YTHDF2: variants seen among roughly 807,000 people sequenced by gnomAD.
The protein encoded by YTHDF2 is YTH N6-methyladenosine RNA binding protein F2.
A neutral mutation model predicts 50.4 loss-of-function variants in YTHDF2; 2 were observed. That is an observed-to-expected ratio of 0.04 (90% CI 0.02 to 0.12). YTHDF2 has a LOEUF of 0.12. Among genes scored for constraint, YTHDF2 ranks in the 10% least tolerant of loss-of-function variants. The pLI, the probability that YTHDF2 is intolerant of heterozygous loss-of-function variation, is 1.00. For missense variants in YTHDF2, 483 were observed against 722.6 expected, an observed-to-expected ratio of 0.67 and a Z score of 3.80; for synonymous variants, 217 against 255.6, an observed-to-expected ratio of 0.85 and a Z score of 1.44.
intron 4 of YTHDF2, among the ~76,000 whole-genome samples, chr1:28,758,443 A>G (rs372189415): frequency 4.6e-5 from 7 of 152,336 alleles, no homozygotes; most frequent in South Asian, 4.1e-4. Context: ...CTTTGTGGAC[A>G]TATAAAGAGA....
intron 3 of YTHDF2, 61 bp downstream of exon 3, chr1:28,738,399 C>T: frequency 7.5e-7 from 1 of 1,329,884 alleles, no homozygotes; most frequent in South Asian, 1.2e-5. Flanking sequence ...TCTCCGCCTT[C>T]TACCAATAAA....
At chr1:28,740,294 A>T (rs1208525712) in intron 3 of YTHDF2, 1 of 152,190 alleles carries the variant, frequency 6.6e-6, no homozygotes, top group Admixed American at 6.5e-5. Flanking sequence ...TGTAATTCAA[A>T]TTTTTTAGCT....
chr1:28,766,399 G>A (rs982044127), intron 4 of YTHDF2, among the ~76,000 whole-genome samples: 3 of 152,192 alleles, frequency 2.0e-5, no homozygotes, highest in Non-Finnish European at 4.4e-5. Context: ...TTACAGGAGT[G>A]AGCTATTGCG....
Position 28,737,621 on chromosome 1 carries a change from A to T in YTHDF2, c.28-37A>T, listed in dbSNP as rs755362017. 1.9e-6 allele frequency: 3 copies of T among 1,613,240 alleles called. No individual in the cohort carries two copies. In the South Asian group the frequency reaches 3.3e-5, roughly 18 times the overall value. Reference sequence around the variant, plus strand: ...TCTTCCTTTTCCATTTCTCCTTTGGACAACTTGCTGCTCGGCGACGTTTCC... The same window carrying T: ...TCTTCCTTTTCCATTTCTCCTTTGGTCAACTTGCTGCTCGGCGACGTTTCC... On this transcript the variant is annotated intron_variant, in intron 1 of 4. Transcript: ENST00000373812.
rs56916547 is a variant in YTHDF2, at chr1:28,751,090, C to CAAAAAAAAAAAAAAAAAAA, written c.1716+7106_1716+7124dup. Among the ~76,000 whole-genome samples, 2 of 33,766 alleles carry CAAAAAAAAAAAAAAAAAAA rather than the reference C, an allele frequency of 5.9e-5. 1 individual carries two copies. Among genetic ancestry groups the CAAAAAAAAAAAAAAAAAAA allele is most frequent in the Non-Finnish European group, 1.0e-4 (2 of 19,764 alleles). The allele number at this position is 33,766 out of a possible 152,430, so 22.2% of individuals were successfully genotyped here. A position where few individuals can be genotyped will look rare whatever the true frequency, so the allele number is the denominator to read the frequency against. ...CCTTTGTGACAGAGCGAGACTGTCTCAAAAAAAAAAAAAAAAAAAAGGCTG... is the reference window on the plus strand; with the variant it reads ...CCTTTGTGACAGAGCGAGACTGTCTCAAAAAAAAAAAAAAAAAAAAAAAAAAAAAAAAAAAAAAAGGCTG... On this transcript the variant is annotated intron_variant, in intron 4 of 4. Coordinates refer to ENST00000373812, the MANE Select transcript of YTHDF2 (RefSeq NM_016258.3).
intron 4 of YTHDF2, among the ~76,000 whole-genome samples, chr1:28,760,150 A>C (rs539771026): frequency 6.6e-6 from 1 of 152,112 alleles, no homozygotes; most frequent in South Asian, 2.1e-4. Flanking sequence ...CTTCTGGAAT[A>C]CCTCCTGAAG....
At chr1:28,740,303 CT>C (rs753844438) in intron 3 of YTHDF2, 13 of 152,138 alleles carry the variant, frequency 8.5e-5, no homozygotes, top group Non-Finnish European at 1.8e-4. Flanking sequence ...AATTTTTTAG[CT>C]TGAGCATGTG....
At chr1:28,737,200 G>A (rs184827662) in intron 1 of YTHDF2, 53 bp downstream of exon 1, 1 of 1,516,362 alleles carries the variant, frequency 6.6e-7, no homozygotes, top group Non-Finnish European at 8.8e-7. Flanking sequence ...GAAGGAGCCC[G>A]ACTAGGCCCG....
chr1:28,768,977 C>T lies in YTHDF2; in HGVS notation c.*25C>T, dbSNP rs1330078330. On this transcript the variant is annotated 3_prime_UTR_variant, in exon 5 of 5. Coordinates refer to ENST00000373812, the MANE Select transcript of YTHDF2 (RefSeq NM_016258.3). ...AAAGGCAGTTCTACACAGACTGCAG[C>T]AACGGTTGCATCTGCATATCCTAAG... The T allele has an allele frequency of 6.4e-7, 1 of 1,568,648 alleles. No individual in the cohort carries two copies. The highest frequency in any genetic ancestry group is 1.7e-5 in the Admixed American group (1 of 57,448).
chr1:28,761,077 T>C lies in YTHDF2; in HGVS notation c.1717-7852T>C, dbSNP rs986046537. Among the ~76,000 whole-genome samples the C allele has an allele frequency of 4.0e-5, 6 of 151,538 alleles. No individual in the cohort carries two copies. The East Asian group carries it at 1.2e-3, about 29-fold the overall frequency. On this transcript the variant is annotated intron_variant, in intron 4 of 4. Transcript: ENST00000373812. ...CCATTATAATCTTACTGATCTGTCATTGACTGAAATGTCATTATATCGTGC... is the reference window on the plus strand; with the variant it reads ...CCATTATAATCTTACTGATCTGTCACTGACTGAAATGTCATTATATCGTGC...
At position 28,768,976 on chromosome 1, in the gene YTHDF2, G is replaced by A; in HGVS notation, c.*24G>A. ...AAAAGGCAGTTCTACACAGACTGCAGCAACGGTTGCATCTGCATATCCTAA... is the reference window on the plus strand; with the variant it reads ...AAAAGGCAGTTCTACACAGACTGCAACAACGGTTGCATCTGCATATCCTAA... On this transcript the variant is annotated 3_prime_UTR_variant, in exon 5 of 5. Coordinates refer to ENST00000373812, the MANE Select transcript of YTHDF2 (RefSeq NM_016258.3). 1.3e-6 allele frequency: 2 copies of A among 1,569,012 alleles called. No homozygotes were observed. The highest frequency in any genetic ancestry group is 1.2e-5 in the South Asian group (1 of 81,912).
Position 28,759,407 on chromosome 1 carries a change from A to AT in YTHDF2, c.1717-9521dup, listed in dbSNP as rs577231942. Among the ~76,000 whole-genome samples the AT allele has an allele frequency of 1.2e-3, 190 of 152,320 alleles. 2 individuals are homozygous for AT. The highest frequency in any genetic ancestry group is 4.4e-3 in the African/African-American group (184 of 41,576). On this transcript the variant is annotated intron_variant, in intron 4 of 4. Coordinates refer to ENST00000373812, the MANE Select transcript of YTHDF2 (RefSeq NM_016258.3). ...GTTAATAGGAAGATTTAGATATACA[A>AT]TCATGCATCCCTTAGCGATGGGGAT...
At chr1:28,756,128 C>G (rs1192338037) in intron 4 of YTHDF2, among the ~76,000 whole-genome samples, 1 of 152,180 alleles carries the variant, frequency 6.6e-6, no homozygotes, top group Non-Finnish European at 1.5e-5. Context: ...CGGTATCTTT[C>G]AACCTCTGTT....
chr1:28,736,873 C>T (rs945684709), upstream of YTHDF2: 3 of 433,320 alleles, frequency 6.9e-6, no homozygotes, highest in Admixed American at 4.5e-5. Flanking sequence ...GTTCGGCGCT[C>T]TGCTTTAGGC....
intron 4 of YTHDF2, among the ~76,000 whole-genome samples, chr1:28,746,751 C>G: frequency 6.7e-6 from 1 of 149,040 alleles, no homozygotes; most frequent in South Asian, 2.1e-4. Context: ...TAGAGAGAGA[C>G]TCTGTCTAAA....
At chr1:28,751,113 C>G (rs1383610808) in intron 4 of YTHDF2, among the ~76,000 whole-genome samples, 26 of 37,890 alleles carry the variant, frequency 6.9e-4, no homozygotes, top group Middle Eastern at 0.023. Flanking sequence ...AAAAAAAAGG[C>G]TGGGCGTGGT....
intron 1 of YTHDF2, 49 bp downstream of exon 1, chr1:28,737,196 G>C: frequency 6.6e-7 from 1 of 1,516,012 alleles, no homozygotes; most frequent in Non-Finnish European, 8.8e-7. Flanking sequence ...GCGAGAAGGA[G>C]CCCGACTAGG....
chr1:28,737,795 C>G (rs970305024), intron 2 of YTHDF2, 113 bp downstream of exon 2: 14 of 1,265,676 alleles, frequency 1.1e-5, no homozygotes, highest in East Asian at 2.4e-5. Context: ...GCTTAGTTCG[C>G]AGGTGCCGCA....
At chr1:28,749,983 G>GTTTTTT (rs1374878554) in intron 4 of YTHDF2, among the ~76,000 whole-genome samples, 3 of 55,258 alleles carry the variant, frequency 5.4e-5, no homozygotes, top group African/African-American at 1.7e-4. Context: ...GAAAAAAAAG[G>GTTTTTT]TTGTTTTTTT....
Sources: allele counts gnomAD v4.1 joint callset (sites outside exome capture counted in the v4.1 genomes callset), GRCh38; gene constraint gnomAD v4.1.1; transcripts MANE v1.5; gene names NCBI Gene and HGNC (gene_info 2026-07-23, HGNC 2026-07-21).